Variants in RFX2 observed in about 807,000 individuals in gnomAD.
RFX2 encodes the protein DNA-binding protein RFX2.
A neutral mutation model predicts 87.8 loss-of-function variants in RFX2; 20 were observed. The ratio of observed to expected loss-of-function variants is 0.23; its 90% CI spans 0.16 to 0.33. RFX2 has a LOEUF of 0.33. RFX2 is among the 10% of genes least tolerant of loss of function. The pLI is 1.00. For missense variants in RFX2, 767 were observed against 1,012.3 expected (o/e 0.76, Z 3.29); for synonymous variants, 397 against 431.3 (o/e 0.92, Z 0.98).
In RFX2 at chr19:5,997,199, C is replaced by T. The variant is rs1167314207; in HGVS notation, c.1874G>A (p.Arg625Gln). ...GGCAGCGCTGCGCAGGGTCAGGTCCCGGATCACCATGGAGCTGGGGACAAG... is the reference window on the plus strand; with the variant it reads ...GGCAGCGCTGCGCAGGGTCAGGTCCTGGATCACCATGGAGCTGGGGACAAG... Reference protein sequence around the residue: ...KWSFYSSMVIRDLTLRSAASF... With the variant: ...KWSFYSSMVIQDLTLRSAASF... Residue 625 changes from arginine to glutamine, a missense_variant, in exon 16 of 18, where the codon CGG becomes CAG. Physicochemically the swap from Arg to Gln is conservative, Grantham distance 43. Coordinates refer to ENST00000303657, the MANE Select transcript of RFX2 (RefSeq NM_000635.4). This position sits in a 1 kb window ranked among gnomAD's most constrained non-coding sequence, Gnocchi z 4.2. 2 of 1,611,546 alleles carry T rather than the reference C, an allele frequency of 1.2e-6. No individual in the cohort carries two copies. The highest frequency in any genetic ancestry group is 1.1e-5 in the South Asian group (1 of 91,050).
In RFX2 at chr19:6,047,375, C is replaced by T; in HGVS notation, c.90+32G>A. ...CATAGAGATCGCGTCCACACTGTGG[C>T]CACCCTGTTGTTGCTGAGAGGCGCG... On this transcript the variant is annotated intron_variant, in intron 2 of 17. Coordinates refer to ENST00000303657, the MANE Select transcript of RFX2 (RefSeq NM_000635.4). This position sits in a 1 kb window ranked among gnomAD's most constrained non-coding sequence, Gnocchi z 4.2. 1 of 1,567,848 alleles carries T rather than the reference C, an allele frequency of 6.4e-7. No homozygotes were observed. The highest frequency in any genetic ancestry group is 8.7e-7 in the Non-Finnish European group (1 of 1,150,454).
At chr19:6,097,227 C>T (rs899573562) in intron 1 of RFX2, among the ~76,000 whole-genome samples, 4 of 152,112 alleles carry the variant, frequency 2.6e-5, no homozygotes, top group South Asian at 2.1e-4. Flanking sequence ...GGAGGAAGAA[C>T]GAGCGGTCCA....
intron 1 of RFX2, among the ~76,000 whole-genome samples, chr19:6,093,470 G>C (rs1482402999): frequency 6.6e-6 from 1 of 152,184 alleles, no homozygotes; most frequent in East Asian, 1.9e-4. Context: ...GGGAGGCAGA[G>C]GTTGCAGTGA....
chr19:6,007,858 C>T lies in RFX2; in HGVS notation c.1135-56G>A. The T allele has an allele frequency of 8.3e-7, 1 of 1,205,514 alleles. No homozygotes were observed. Among genetic ancestry groups the T allele is most frequent in the Non-Finnish European group, 1.2e-6 (1 of 832,018 alleles). The allele number at this position is 1,205,514 out of a possible 1,614,324, so 74.7% of individuals were successfully genotyped here. ...GGTGCGTGCGCCCATCACGTGCACT[C>T]AGCACACGTCAAGTGAGCAGCCGTG... On this transcript the variant is annotated intron_variant, in intron 10 of 17. Coordinates refer to ENST00000303657, the MANE Select transcript of RFX2 (RefSeq NM_000635.4). This position sits in a 1 kb window ranked among gnomAD's most constrained non-coding sequence, Gnocchi z 8.2.
At position 6,082,457 on chromosome 19, in the gene RFX2, G is replaced by C. The variant is rs541600226; in HGVS notation, c.-9+27936C>G. On this transcript the variant is annotated intron_variant, in intron 1 of 17. Transcript: ENST00000303657. ...AAGTTTTCTTTTTTTCTTTGAGACAGAGCCTTTCTCTGTCACACAGGCTGG... is the reference window on the plus strand; with the variant it reads ...AAGTTTTCTTTTTTTCTTTGAGACACAGCCTTTCTCTGTCACACAGGCTGG... 3.3e-5 allele frequency among the ~76,000 whole-genome samples: 5 copies of C among 152,218 alleles called. No individual in the cohort carries two copies. In the South Asian group the frequency reaches 1.0e-3, roughly 32 times the overall value.
At position 6,022,508 on chromosome 19, in the gene RFX2, C is replaced by T. The variant is rs2086828613; in HGVS notation, c.597+3655G>A. Among the ~76,000 whole-genome samples, 1 of 152,212 alleles carries T rather than the reference C, an allele frequency of 6.6e-6. No individual in the cohort carries two copies. Among genetic ancestry groups the T allele is most frequent in the African/African-American group, 2.4e-5 (1 of 41,448 alleles). On this transcript the variant is annotated intron_variant, in intron 6 of 17. Transcript: ENST00000303657. The surrounding 1 kb of genome is among the most constrained non-coding windows in gnomAD (Gnocchi z 6.2). Reference sequence around the variant, plus strand: ...AGACTCGGTGAACCTGCTACGGGGTCCCGGTCGGCTGGTAGCCTGAGGGCA... The same window carrying T: ...AGACTCGGTGAACCTGCTACGGGGTTCCGGTCGGCTGGTAGCCTGAGGGCA...
chr19:6,030,693 G>A (rs771047963), intron 5 of RFX2, among the ~76,000 whole-genome samples: 11 of 152,158 alleles, frequency 7.2e-5, no homozygotes, highest in Non-Finnish European at 1.5e-4. Flanking sequence ...GTACCACACT[G>A]TGAATGTATT....
chr19:6,016,319 C>A lies in RFX2; in HGVS notation c.598-48G>T, dbSNP rs1025172142. 4 of 1,428,118 alleles carry A rather than the reference C, an allele frequency of 2.8e-6. No homozygotes were observed. The African/African-American group carries it at 4.3e-5, about 15-fold the overall frequency. The allele number at this position is 1,428,118 out of a possible 1,614,324, so 88.5% of individuals were successfully genotyped here. ...GCGTTTGTCAGAAGCCTGAGGAACG[C>A]TAACATGCCAACGTGGACTCATTAA... On this transcript the variant is annotated intron_variant, in intron 6 of 17. Transcript: ENST00000303657. This position sits in a 1 kb window ranked among gnomAD's most constrained non-coding sequence, Gnocchi z 5.4.
intron 9 of RFX2, among the ~76,000 whole-genome samples, chr19:6,008,834 C>T (rs767242487): frequency 3.3e-5 from 5 of 152,022 alleles, no homozygotes; most frequent in African/African-American, 9.7e-5. Flanking sequence ...CGTGCCACCA[C>T]GCCTGGCTAA....
rs2086664491 is a variant in RFX2, at chr19:6,011,903, T to G, written c.899+1083A>C. Reference sequence around the variant, plus strand: ...CTTGTGGAGGCACACTGGGAGGCAGTGATATTTGAATGGGCCCTAAACCAG... The same window carrying G: ...CTTGTGGAGGCACACTGGGAGGCAGGGATATTTGAATGGGCCCTAAACCAG... On this transcript the variant is annotated intron_variant, in intron 8 of 17. Transcript: ENST00000303657. This position sits in a 1 kb window ranked among gnomAD's most constrained non-coding sequence, Gnocchi z 4.8. 6.6e-6 allele frequency among the ~76,000 whole-genome samples: 1 copy of G among 152,260 alleles called. No homozygotes were observed. The highest frequency in any genetic ancestry group is 1.9e-4 in the East Asian group (1 of 5,176).
chr19:6,034,227 A>G (rs1450169035), intron 5 of RFX2, among the ~76,000 whole-genome samples: 1 of 117,624 alleles, frequency 8.5e-6, no homozygotes, highest in Admixed American at 8.4e-5. Flanking sequence ...CACACTGCTA[A>G]TTTTTTTTTT....
rs2086847182 is a variant in RFX2, at chr19:6,023,484, C to G, written c.597+2679G>C. Reference sequence around the variant, plus strand: ...GCTCTCACATTTGCCAAAACAAGATCTAAGTTTATTCTGCCCGTGTGTGTG... The same window carrying G: ...GCTCTCACATTTGCCAAAACAAGATGTAAGTTTATTCTGCCCGTGTGTGTG... On this transcript the variant is annotated intron_variant, in intron 6 of 17. Coordinates refer to ENST00000303657, the MANE Select transcript of RFX2 (RefSeq NM_000635.4). The surrounding 1 kb of genome is among the most constrained non-coding windows in gnomAD (Gnocchi z 4.9). Among the ~76,000 whole-genome samples, 1 of 152,226 alleles carries G rather than the reference C, an allele frequency of 6.6e-6. No homozygotes were observed. Among genetic ancestry groups the G allele is most frequent in the Non-Finnish European group, 1.5e-5 (1 of 68,042 alleles).
rs895769852 is a variant in RFX2, at chr19:6,010,212, G to A, written c.939C>T (p.Ser313=). ...TGCTGTGCAGGCCGCTGTGGGAGCCGCTGTCCCCGAGGCTGTCCGTCTTCT... is the reference window on the plus strand; with the variant it reads ...TGCTGTGCAGGCCGCTGTGGGAGCCACTGTCCCCGAGGCTGTCCGTCTTCT... ...PAQKTDSLGD[S]GSHSGLHSTP... is the part of the protein sequence containing the mutation. Residue 313 remains serine, a synonymous_variant, in exon 9 of 18, where the codon AGC becomes AGT. Transcript: ENST00000303657. This position sits in a 1 kb window ranked among gnomAD's most constrained non-coding sequence, Gnocchi z 5.0. 1.9e-5 allele frequency: 30 copies of A among 1,548,018 alleles called. No homozygotes were observed. Among genetic ancestry groups the A allele is most frequent in the East Asian group, 4.9e-5 (2 of 40,932 alleles).
In RFX2 at chr19:6,039,105, A is replaced by G. The variant is rs2087065379; in HGVS notation, c.522+875T>C. The stretch of plus-strand genomic sequence containing the variant: ...ACTAGTGAATGAATAAACAAACTGT[A>G]GTGTAATAGAATATTACTCAGTAAC... On this transcript the variant is annotated intron_variant, in intron 5 of 17. Transcript: ENST00000303657. This position sits in a 1 kb window ranked among gnomAD's most constrained non-coding sequence, Gnocchi z 5.2. Among the ~76,000 whole-genome samples, 1 of 151,428 alleles carries G rather than the reference A, an allele frequency of 6.6e-6. No homozygotes were observed. Among genetic ancestry groups the G allele is most frequent in the African/African-American group, 2.4e-5 (1 of 41,296 alleles).
rs2087817866 is a variant in RFX2 at position 6,083,757 on chromosome 19, A to C, written c.-9+26636T>G. On this transcript the variant is annotated intron_variant, in intron 1 of 17. Transcript: ENST00000303657. This position sits in a 1 kb window ranked among gnomAD's most constrained non-coding sequence, Gnocchi z 4.6. ...CGGGTAATTTTTTAATTTTTTGTAC[A>C]GATGGGGTCTCACCATCTTGCCCAG... Among the ~76,000 whole-genome samples, 1 of 151,936 alleles carries C rather than the reference A, an allele frequency of 6.6e-6. No individual in the cohort carries two copies. The highest frequency in any genetic ancestry group is 2.4e-5 in the African/African-American group (1 of 41,346).
intron 1 of RFX2, chr19:6,073,172 G>T: frequency 2.2e-6 from 1 of 462,502 alleles, no homozygotes; most frequent in Non-Finnish European, 4.0e-6. Context: ...TAGAGACGGG[G>T]TTTCACCATG....
rs770788146 is a variant in RFX2, at chr19:6,044,319, C to CA, written c.91-38dup. The CA allele has an allele frequency of 2.2e-6, 3 of 1,341,276 alleles. No homozygotes were observed. In the South Asian group the frequency reaches 4.4e-5, roughly 20 times the overall value. The allele number at this position is 1,341,276 out of a possible 1,614,324, so 83.1% of individuals were successfully genotyped here. On this transcript the variant is annotated intron_variant, in intron 2 of 17. Coordinates refer to ENST00000303657, the MANE Select transcript of RFX2 (RefSeq NM_000635.4). This position sits in a 1 kb window ranked among gnomAD's most constrained non-coding sequence, Gnocchi z 5.3. ...GGGAGAGAAGGCCAGTTAGACTTGT[C>CA]AGAGGTCAGTGCTGAGGATACACAC...
chr19:6,094,815 GTC>G (rs1181537325), intron 1 of RFX2, among the ~76,000 whole-genome samples: 1 of 152,120 alleles, frequency 6.6e-6, no homozygotes, highest in South Asian at 2.1e-4. Flanking sequence ...ACTTTCACTT[GTC>G]TCTTTTTACT....
rs1386188219 is a variant in RFX2 at position 6,017,226 on chromosome 19, G to A, written c.598-955C>T. ...AGCCTGGGCGACAGGGCAAGACTTC[G>A]TCTCTTTCAAAAAACGAAACAAAAC... On this transcript the variant is annotated intron_variant, in intron 6 of 17. Transcript: ENST00000303657. The surrounding 1 kb of genome is among the most constrained non-coding windows in gnomAD (Gnocchi z 4.1). Among the ~76,000 whole-genome samples, 2 of 152,196 alleles carry A rather than the reference G, an allele frequency of 1.3e-5. No homozygotes were observed. Among genetic ancestry groups the A allele is most frequent in the Admixed American group, 6.5e-5 (1 of 15,278 alleles).
Sources: gnomAD v4.1 joint callset for allele counts (sites outside exome capture counted in the v4.1 genomes callset) on GRCh38, gnomAD v4.1.1 for gene constraint, Gnocchi (gnomAD v3.1) non-coding constraint, MANE v1.5 for transcripts, NCBI Gene and HGNC (gene_info 2026-07-23, HGNC 2026-07-21) for gene names.